Variants in ADGB observed in about 807,000 individuals in gnomAD.
ADGB encodes androglobin.
A neutral mutation model predicts 210.5 loss-of-function variants in ADGB; 172 were observed. The ratio of observed to expected loss-of-function variants is 0.82; its 90% CI spans 0.72 to 0.93. The LOEUF is 0.93. Ranked by LOEUF, ADGB falls within the 40% of genes least tolerant of loss-of-function variation. The probability of loss-of-function intolerance (pLI) is 0.00; values close to 1 mark genes in which losing one functional copy is unlikely to be tolerated. For synonymous variants in ADGB, 658 were observed against 662.7 expected, an observed-to-expected ratio of 0.99 and a Z score of 0.11; for missense variants, 2,025 against 1,964.8, an observed-to-expected ratio of 1.03 and a Z score of -0.58.
At chr6:146,781,989 C>T (rs934945262) in intron 29 of ADGB, 31 bp from the exon 30 acceptor site, 2 of 1,412,196 alleles carry the variant, frequency 1.4e-6, no homozygotes, top group Non-Finnish European at 1.8e-6. Flanking sequence ...TATATTATGA[C>T]TCACCATTTT....
At chr6:146,663,374 G>C (rs187282544) in intron 5 of ADGB, among the ~76,000 whole-genome samples, 2 of 151,516 alleles carry the variant, frequency 1.3e-5, no homozygotes, top group Admixed American at 1.3e-4. Flanking sequence ...TTGGTGTCTG[G>C]CAAAGCCCTG....
chr6:146,753,997 T>G (rs1036212553), intron 27 of ADGB, among the ~76,000 whole-genome samples: 4 of 151,502 alleles, frequency 2.6e-5, no homozygotes, highest in African/African-American at 4.8e-5. Flanking sequence ...TTTAAAAAAT[T>G]TATTATATTT....
intron 10 of ADGB, among the ~76,000 whole-genome samples, chr6:146,686,983 G>T (rs1319632708): frequency 6.6e-6 from 1 of 151,862 alleles, no homozygotes; most frequent in Non-Finnish European, 1.5e-5. Context: ...ATGCCTGGGG[G>T]GCACGTTGCT....
chr6:146,638,526 T>G (rs1448812182), intron 2 of ADGB, among the ~76,000 whole-genome samples: 13 of 140,218 alleles, frequency 9.3e-5, no homozygotes, highest in African/African-American at 3.5e-4. Context: ...ACACCACATG[T>G]TCTCACTCAT....
intron 23 of ADGB, among the ~76,000 whole-genome samples, chr6:146,738,888 C>G (rs1333267088): frequency 3.3e-5 from 5 of 152,084 alleles, no homozygotes; most frequent in Non-Finnish European, 7.4e-5. Context: ...ATCTTGCACC[C>G]AATTTTCTTG....
chr6:146,802,066 A>C, intron 35 of ADGB, 55 bp downstream of exon 35: 1 of 1,174,962 alleles, frequency 8.5e-7, no homozygotes, highest in Non-Finnish European at 1.1e-6. Flanking sequence ...TCGTAACATT[A>C]AAAAGAAATT....
intron 16 of ADGB, among the ~76,000 whole-genome samples, chr6:146,717,882 G>A (rs984285264): frequency 6.6e-6 from 1 of 152,112 alleles, no homozygotes; most frequent in East Asian, 1.9e-4. Context: ...TGAAGGACAT[G>A]CACAAATAAA....
chr6:146,664,391 TTAAC>T (rs1267973951), intron 6 of ADGB, 51 bp downstream of exon 6: 10 of 1,494,560 alleles, frequency 6.7e-6, no homozygotes, highest in Non-Finnish European at 8.9e-6. Flanking sequence ...AACAAAAACA[TTAAC>T]TATACATTTG....
At position 146,728,711 on chromosome 6, in the gene ADGB, T is replaced by C. The variant is rs1776935364; in HGVS notation, c.2490T>C (p.His830=). 3.2e-6 allele frequency: 5 copies of C among 1,550,850 alleles called. No individual in the cohort carries two copies. The highest frequency in any genetic ancestry group is 3.5e-6 in the Non-Finnish European group (4 of 1,146,452). The change falls in exon 20 of 36, where the codon CAT becomes CAC. Residue 830 remains histidine, a synonymous_variant. Transcript: ENST00000397944. ...LQTAHYPVPF[H]DKELTAQHFR... ...CAGCTCACTACCCTGTCCCCTTCCA[T>C]GATAAAGAACTAACTGCACAGCACT...
chr6:146,688,289 G>GA (rs142502246), intron 10 of ADGB, among the ~76,000 whole-genome samples: 78 of 147,876 alleles, frequency 5.3e-4, no homozygotes, highest in African/African-American at 1.5e-3. Flanking sequence ...TTAAATGAAT[G>GA]AAAAAAAAAA....
chr6:146,647,162 A>C (rs1159743197), intron 3 of ADGB, among the ~76,000 whole-genome samples: 4 of 134,844 alleles, frequency 3.0e-5, no homozygotes, highest in African/African-American at 7.5e-5. Context: ...AACAAAAAAA[A>C]CCAGATTCCT....
chr6:146,714,130 T>G (rs1314451367), intron 13 of ADGB, among the ~76,000 whole-genome samples: 2 of 152,216 alleles, frequency 1.3e-5, no homozygotes, highest in Non-Finnish European at 2.9e-5. Context: ...TAAGAATCTC[T>G]CCTCAATTGT....
intron 19 of ADGB, among the ~76,000 whole-genome samples, chr6:146,727,717 T>C (rs1158604566): frequency 6.6e-6 from 1 of 152,148 alleles, no homozygotes; most frequent in Non-Finnish European, 1.5e-5. Context: ...ATTGATCCTA[T>C]CTAATATTTG....
At chr6:146,652,348 CTA>C (rs1391755024) in intron 3 of ADGB, among the ~76,000 whole-genome samples, 4 of 152,088 alleles carry the variant, frequency 2.6e-5, no homozygotes, top group Admixed American at 6.5e-5. Context: ...CCAGAAGAAA[CTA>C]TGTTTATAAT....
chr6:146,692,388 A>G (rs139022049), intron 11 of ADGB, among the ~76,000 whole-genome samples: 11 of 152,220 alleles, frequency 7.2e-5, no homozygotes, highest in Non-Finnish European at 1.6e-4. Context: ...TTACTTTGCT[A>G]CAGTTTTTGT....
chr6:146,628,441 A>G (rs1217590565), intron 1 of ADGB, among the ~76,000 whole-genome samples: 3 of 152,094 alleles, frequency 2.0e-5, no homozygotes, highest in African/African-American at 7.2e-5. Context: ...ATCTAAGAAT[A>G]AAATGTTTAT....
At chr6:146,728,397 C>A (rs141110302) in intron 19 of ADGB, among the ~76,000 whole-genome samples, 177 bp from the exon 20 acceptor site, 4 of 152,120 alleles carry the variant, frequency 2.6e-5, no homozygotes, top group African/African-American at 9.7e-5. Flanking sequence ...GTAAGAATTG[C>A]GTTCCTTGTT....
intron 5 of ADGB, among the ~76,000 whole-genome samples, chr6:146,658,743 T>C (rs1237024394): frequency 6.6e-6 from 1 of 152,202 alleles, no homozygotes; most frequent in Non-Finnish European, 1.5e-5. Flanking sequence ...AAAAATGTAT[T>C]GAGCCCACTT....
At chr6:146,747,122 C>T (rs1777251337) in intron 26 of ADGB, among the ~76,000 whole-genome samples, 1 of 152,098 alleles carries the variant, frequency 6.6e-6, no homozygotes. Flanking sequence ...AGGCAAGAAT[C>T]ATTTATTTTC....
Sources: allele counts gnomAD v4.1 joint callset (sites outside exome capture counted in the v4.1 genomes callset), GRCh38; gene constraint gnomAD v4.1.1; transcripts MANE v1.5; gene names NCBI Gene and HGNC (gene_info 2026-07-23, HGNC 2026-07-21).